Variants in PRMT2 observed in about 807,000 individuals in gnomAD.
PRMT2 encodes protein arginine N-methyltransferase 2.
Under a neutral mutation model 57.6 loss-of-function variants are expected in PRMT2, and 26 were observed. The observed-to-expected ratio is 0.45, with a 90% CI of 0.33 to 0.63. The LOEUF (loss-of-function observed/expected upper bound fraction) is 0.63. Ranked by LOEUF, PRMT2 falls within the 20% of genes least tolerant of loss-of-function variation. PRMT2 has a pLI of 0.02. For synonymous variants in PRMT2, 219 were observed against 220.0 expected (o/e 1.00, Z 0.04); for missense variants, 472 against 564.4 (o/e 0.84, Z 1.66).
At chr21:46,663,615 G>GGGT in intron 11 of PRMT2, 61 bp downstream of exon 11, 1 of 1,553,764 alleles carries the variant, frequency 6.4e-7, no homozygotes, top group Non-Finnish European at 8.8e-7. Context: ...AGACAGGCCT[G>GGGT]GGTGGTGGTA....
At position 46,644,308 on chromosome 21, in the gene PRMT2, C is replaced by G; in HGVS notation, c.147C>G (p.Leu49=). Residue 49 remains leucine, a splice_region_variant and synonymous_variant, in exon 5 of 12, where the codon CTC becomes CTG. Coordinates refer to ENST00000355680, the MANE Select transcript of PRMT2 (RefSeq NM_206962.4). Reference sequence around the variant, plus strand: ...AATTTTAACTTTTTTTTTTCCAGCTCAGTTTTTTGAGAGGAGAAAAAATTC... The same window carrying G: ...AATTTTAACTTTTTTTTTTCCAGCTGAGTTTTTTGAGAGGAGAAAAAATTC... ...ADYAATDETQ[L]SFLRGEKILI... is the part of the protein sequence containing the mutation. 6.3e-7 allele frequency: 1 copy of G among 1,597,080 alleles called. No individual in the cohort carries two copies. Among genetic ancestry groups the G allele is most frequent in the Non-Finnish European group, 8.5e-7 (1 of 1,175,084 alleles).
intron 8 of PRMT2, chr21:46,660,012 G>T: frequency 1.0e-6 from 1 of 984,060 alleles, no homozygotes; most frequent in Non-Finnish European, 1.2e-6. Flanking sequence ...TGCTAAGACA[G>T]GCATATGGGG....
chr21:46,646,411 T>A (rs959743210), intron 5 of PRMT2, among the ~76,000 whole-genome samples: 2 of 152,248 alleles, frequency 1.3e-5, no homozygotes, highest in Non-Finnish European at 2.9e-5. Context: ...CAGATTCCTC[T>A]GTGCTTATGA....
At chr21:46,661,073 ATAAC>A (rs983840164) in intron 9 of PRMT2, 111 bp downstream of exon 9, 21 of 1,032,012 alleles carry the variant, frequency 2.0e-5, no homozygotes, top group Middle Eastern at 4.3e-4. Context: ...GTGTGAGTGA[ATAAC>A]TAATTATTTT....
Position 46,663,406 on chromosome 21 carries a change from T to C in PRMT2, c.1121T>C (p.Leu374Pro). 1.2e-6 allele frequency: 2 copies of C among 1,613,458 alleles called. No individual in the cohort carries two copies. The highest frequency in any genetic ancestry group is 1.7e-6 in the Non-Finnish European group (2 of 1,179,452). Reference protein sequence around the residue: ...FHPTTHWKQTLFMMDDPVPVH... With the variant: ...FHPTTHWKQTPFMMDDPVPVH... ...AGCACCACACACTGGAAGCAGACGC[T>C]GTTCATGATGGACGACCCAGTCCCT... The change falls in exon 11 of 12, where the codon CTG (leucine) becomes CCG (proline). Residue 374 changes from leucine to proline, a missense_variant. This residue lies in a region of PRMT2 where 229 missense variants were observed against 217.2 expected (regional missense o/e 1.05). Transcript: ENST00000355680.
intron 7 of PRMT2, chr21:46,654,063 G>C: frequency 1.0e-6 from 1 of 988,588 alleles, no homozygotes; most frequent in Non-Finnish European, 1.2e-6. Flanking sequence ...AGGAGGAGCT[G>C]GTGGGTGCTG....
chr21:46,637,052 A>G lies in PRMT2; in HGVS notation c.39+62A>G. The G allele has an allele frequency of 4.5e-6, 7 of 1,561,224 alleles. No individual in the cohort carries two copies. In the South Asian group the frequency reaches 7.9e-5, roughly 18 times the overall value. ...ATGAATGTGAGCATTACAGAGAGCT[A>G]AGCGTCAGCTCACAGATGTGATGGA... On this transcript the variant is annotated intron_variant, in intron 3 of 11. Coordinates refer to ENST00000355680, the MANE Select transcript of PRMT2 (RefSeq NM_206962.4).
intron 7 of PRMT2, chr21:46,652,312 C>CA (rs575473702): frequency 1.4e-5 from 17 of 1,242,516 alleles, no homozygotes; most frequent in Non-Finnish European, 1.5e-5. Context: ...AAATACTTGA[C>CA]AAAAAATTCC....
In PRMT2 at chr21:46,664,681, CGTGTACCCT is replaced by C. The variant is rs1335914067; in HGVS notation, c.*358_*366del. ...CTCCTAGGACGCACGCATATCAGCCCGTGTACCCTGTGACAGTGACTGTCCCCACCTCCT... is the reference window on the plus strand; with the variant it reads ...CTCCTAGGACGCACGCATATCAGCCCGTGACAGTGACTGTCCCCACCTCCT... On this transcript the variant is annotated 3_prime_UTR_variant, in exon 12 of 12. Coordinates refer to ENST00000355680, the MANE Select transcript of PRMT2 (RefSeq NM_206962.4). 9.4e-6 allele frequency: 3 copies of C among 318,244 alleles called. No homozygotes were observed. The highest frequency in any genetic ancestry group is 4.2e-5 in the African/African-American group (2 of 48,112). 19.7% of individuals were successfully genotyped at this position (318,244 alleles called of 1,614,324 possible).
At chr21:46,643,333 A>AG in intron 3 of PRMT2, 1 of 895,374 alleles carries the variant, frequency 1.1e-6, no homozygotes, top group Non-Finnish European at 1.4e-6. Flanking sequence ...GGTCCAGATA[A>AG]TTTTTTTTTT....
Position 46,644,496 on chromosome 21 carries a change from T to C in PRMT2, c.327+8T>C. On this transcript the variant is annotated splice_region_variant and intron_variant, in intron 5 of 11. Transcript: ENST00000355680. Reference sequence around the variant, plus strand: ...GGCAGCTATGGAACTCTGGTATTGCTTTCTAAATTCCCTGTTCAGCTGGCC... The same window carrying C: ...GGCAGCTATGGAACTCTGGTATTGCCTTCTAAATTCCCTGTTCAGCTGGCC... The C allele has an allele frequency of 6.4e-7, 1 of 1,568,424 alleles. No individual in the cohort carries two copies. The highest frequency in any genetic ancestry group is 8.6e-7 in the Non-Finnish European group (1 of 1,160,086).
At chr21:46,658,436 C>T (rs1447791890) in intron 7 of PRMT2, 1 of 272,248 alleles carries the variant, frequency 3.7e-6, no homozygotes, top group Admixed American at 5.2e-5. Context: ...AATCTGGTAG[C>T]TACGAGCTCT....
At chr21:46,662,347 G>A (rs1356621697) in intron 10 of PRMT2, among the ~76,000 whole-genome samples, 1 of 152,252 alleles carries the variant, frequency 6.6e-6, no homozygotes, top group Non-Finnish European at 1.5e-5. Context: ...CCCTGGGCAT[G>A]TGTGGCAGTG....
At chr21:46,637,082 G>T in intron 3 of PRMT2, 92 bp downstream of exon 3, 5 of 1,414,776 alleles carry the variant, frequency 3.5e-6, no homozygotes, top group Non-Finnish European at 4.9e-6. Context: ...GATGGAGCTT[G>T]GCTTGTGCCT....
chr21:46,652,272 G>C, intron 7 of PRMT2: 1 of 1,321,812 alleles, frequency 7.6e-7, no homozygotes, highest in South Asian at 2.0e-5. Flanking sequence ...GTTTTTCTAA[G>C]AACCAAGTTC....
chr21:46,663,283 T>C (rs1246450218), intron 10 of PRMT2, 100 bp from the exon 11 acceptor site: 9 of 1,219,692 alleles, frequency 7.4e-6, no homozygotes, highest in Non-Finnish European at 1.0e-5. Context: ...GTGGGTGCTG[T>C]TGGGGGCGAG....
At chr21:46,651,966 C>T in intron 7 of PRMT2, 2 of 1,613,288 alleles carry the variant, frequency 1.2e-6, no homozygotes, top group East Asian at 2.2e-5. Context: ...GCCCCTCAGC[C>T]CTCAGGCCTT....
chr21:46,648,813 C>T lies in PRMT2; in HGVS notation c.489+194C>T, dbSNP rs140518415. ...TGCGTGGAGACCGCGTGCTAGAGGC[C>T]GTGGCGCCCGCGTACAATGAGTCGC... On this transcript the variant is annotated intron_variant, in intron 6 of 11. Transcript: ENST00000355680. This position sits in a 1 kb window ranked among gnomAD's most constrained non-coding sequence, Gnocchi z 4.8. 2.5e-3 allele frequency among the ~76,000 whole-genome samples: 378 copies of T among 152,270 alleles called. 3 individuals are homozygous for T. The highest frequency in any genetic ancestry group is 4.1e-3 in the Non-Finnish European group (280 of 68,020).
chr21:46,638,212 A>G (rs1195020546), intron 3 of PRMT2, among the ~76,000 whole-genome samples: 5 of 152,170 alleles, frequency 3.3e-5, no homozygotes, highest in Non-Finnish European at 2.9e-5. Context: ...GCCTCTTCAT[A>G]TAACTTTACC....
Sources: gnomAD v4.1 joint callset for allele counts (sites outside exome capture counted in the v4.1 genomes callset) on GRCh38, gnomAD v4.1.1 for gene constraint, gnomAD v4.1.1 regional missense constraint, Gnocchi (gnomAD v3.1) non-coding constraint, MANE v1.5 for transcripts, NCBI Gene and HGNC (gene_info 2026-07-23, HGNC 2026-07-21) for gene names.